Variants in PTPDC1 observed in about 807,000 individuals in gnomAD.
The protein encoded by PTPDC1 is protein tyrosine phosphatase domain containing 1.
In PTPDC1, 53 loss-of-function variants were observed where a neutral mutation model predicts 75.3. That is an observed-to-expected ratio of 0.70 (90% CI 0.56 to 0.88). The LOEUF is 0.88. PTPDC1 is among the 40% of genes least tolerant of loss of function. The probability of loss-of-function intolerance (pLI) is 0.00; values close to 1 mark genes in which losing one functional copy is unlikely to be tolerated. For missense variants in PTPDC1, 925 were observed against 998.6 expected, an observed-to-expected ratio of 0.93 and a Z score of 0.99; for synonymous variants, 349 against 366.2, an observed-to-expected ratio of 0.95 and a Z score of 0.54.
Position 94,092,163 on chromosome 9 carries a change from T to C in PTPDC1, c.617-3154T>C, listed in dbSNP as rs1827350613. 1.3e-5 allele frequency among the ~76,000 whole-genome samples: 2 copies of C among 151,712 alleles called. 1 individual carries two copies. Among genetic ancestry groups the C allele is most frequent in the African/African-American group, 4.9e-5 (2 of 41,032 alleles). On this transcript the variant is annotated intron_variant, in intron 4 of 8. Transcript: ENST00000620992. ...TTTGCTCCTGCTTTTCTAGTTCTTT[T>C]AATTGTGATGTTAGGTTGTCAATTT... is the stretch of plus-strand genomic sequence containing the variant.
chr9:94,054,365 A>G (rs1451564153), intron 1 of PTPDC1, among the ~76,000 whole-genome samples: 3 of 152,228 alleles, frequency 2.0e-5, no homozygotes, highest in Admixed American at 6.5e-5. Context: ...CTGCATATAC[A>G]TTCTCAAGTC....
chr9:94,063,512 T>A (rs10821289), intron 1 of PTPDC1, among the ~76,000 whole-genome samples: 24,787 of 152,224 alleles, frequency 0.16, 2,394 homozygotes, highest in East Asian at 0.28. Flanking sequence ...ACATTATTAA[T>A]ATTTCAGGAA....
intron 2 of PTPDC1, among the ~76,000 whole-genome samples, chr9:94,067,251 A>C (rs1204571246): frequency 6.6e-6 from 1 of 151,944 alleles, no homozygotes; most frequent in African/African-American, 2.4e-5. Context: ...TTAGCCGAGC[A>C]TGGTGGCGTA....
intron 4 of PTPDC1, among the ~76,000 whole-genome samples, chr9:94,094,666 C>T (rs563037785): frequency 6.6e-6 from 1 of 152,236 alleles, no homozygotes; most frequent in Admixed American, 6.5e-5. Flanking sequence ...GCGGGCACCC[C>T]TCCCCCAGCC....
At chr9:94,095,232 TG>T (rs2118047568) in intron 4 of PTPDC1, 84 bp from the exon 5 acceptor site, 1 of 1,034,228 alleles carries the variant, frequency 9.7e-7, no homozygotes, top group African/African-American at 1.6e-5. Flanking sequence ...TCAGTCTCAG[TG>T]TAGATCTGTG....
Position 94,097,388 on chromosome 9 carries a change from G to A in PTPDC1, c.822G>A (p.Val274=). ...CTGCTGACCAAGCAATTATATTTGTGCGGGCAAAGCGACCCAATTCCATAC... is the reference window on the plus strand; with the variant it reads ...CTGCTGACCAAGCAATTATATTTGTACGGGCAAAGCGACCCAATTCCATAC... ...RMTADQAIIF[V]RAKRPNSIQT... The change falls in exon 6 of 9, where the codon GTG becomes GTA. Residue 274 remains valine, a synonymous_variant. Coordinates refer to ENST00000620992, the MANE Select transcript of PTPDC1 (RefSeq NM_001253829.2). 2 of 1,613,936 alleles carry A rather than the reference G, an allele frequency of 1.2e-6. No individual in the cohort carries two copies. The highest frequency in any genetic ancestry group is 1.7e-6 in the Non-Finnish European group (2 of 1,179,938).
At chr9:94,056,011 T>C (rs1028325748) in intron 1 of PTPDC1, among the ~76,000 whole-genome samples, 7 of 152,168 alleles carry the variant, frequency 4.6e-5, no homozygotes, top group African/African-American at 1.7e-4. Context: ...ATAACAAACT[T>C]ACCACTCTGT....
chr9:94,057,140 A>T, intron 1 of PTPDC1, among the ~76,000 whole-genome samples: 1 of 152,182 alleles, frequency 6.6e-6, no homozygotes, highest in East Asian at 1.9e-4. Flanking sequence ...TGACGCGATT[A>T]CAGCTCACCG....
At chr9:94,080,801 G>T (rs1826850879), upstream of PTPDC1, among the ~76,000 whole-genome samples, 1 of 152,176 alleles carries the variant, frequency 6.6e-6, no homozygotes, top group African/African-American at 2.4e-5. Context: ...GGAGTAATCA[G>T]TGAAGCTTGA....
chr9:94,088,239 C>A lies in PTPDC1; in HGVS notation c.592C>A (p.Pro198Thr). ...ACAAGAAAGTGGCTTCACATACCTTCCTGAGGCTTTCATGGAGGCTGGCAG... is the reference window on the plus strand; with the variant it reads ...ACAAGAAAGTGGCTTCACATACCTTACTGAGGCTTTCATGGAGGCTGGCAG... ...LEQESGFTYL[P>T]EAFMEAGIYF... Residue 198 changes from proline (P) to threonine (T), a missense_variant, in exon 4 of 9, where the codon CCT becomes ACT. Transcript: ENST00000620992. The A allele has an allele frequency of 1.2e-6, 2 of 1,613,988 alleles. No individual in the cohort carries two copies.
chr9:94,051,651 G>T (rs984956452), intron 1 of PTPDC1, among the ~76,000 whole-genome samples: 3 of 152,108 alleles, frequency 2.0e-5, no homozygotes, highest in African/African-American at 7.2e-5. Context: ...GCTTTATCAG[G>T]TATAGGATTA....
chr9:94,097,250 A>G, intron 5 of PTPDC1, 71 bp from the exon 6 acceptor site: 2 of 990,316 alleles, frequency 2.0e-6, no homozygotes, highest in East Asian at 5.0e-5. Context: ...GTAAATCATC[A>G]AAGAGTGATA....
At chr9:94,031,661 TTACCGTCC>T (rs1312558015) in intron 1 of PTPDC1, among the ~76,000 whole-genome samples, 1 of 152,060 alleles carries the variant, frequency 6.6e-6, no homozygotes, top group Non-Finnish European at 1.5e-5. Context: ...ATCGTAGATA[TTACCGTCC>T]TTTGTGGCCT....
At chr9:94,068,802 T>C (rs1167387014) in intron 2 of PTPDC1, among the ~76,000 whole-genome samples, 1 of 152,242 alleles carries the variant, frequency 6.6e-6, no homozygotes, top group African/African-American at 2.4e-5. Context: ...CTTCTGTTTT[T>C]ATTAGTTAGC....
intron 2 of PTPDC1, among the ~76,000 whole-genome samples, chr9:94,067,646 G>C (rs1292914408): frequency 2.0e-5 from 3 of 151,980 alleles, no homozygotes; most frequent in African/African-American, 4.8e-5. Context: ...TTGTCTCCCA[G>C]GCTGGAGTGC....
intron 4 of PTPDC1, among the ~76,000 whole-genome samples, chr9:94,091,233 CTTA>C (rs952070658): frequency 1.1e-4 from 16 of 151,802 alleles, no homozygotes; most frequent in African/African-American, 3.4e-4. Flanking sequence ...ATAGATAGCT[CTTA>C]TTATTTTGAA....
chr9:94,041,944 G>A (rs1406934116), intron 1 of PTPDC1, among the ~76,000 whole-genome samples: 1 of 152,162 alleles, frequency 6.6e-6, no homozygotes, highest in Non-Finnish European at 1.5e-5. Context: ...CTATATGTAT[G>A]TATATTAATC....
intron 4 of PTPDC1, 119 bp downstream of exon 4, chr9:94,088,382 G>C: frequency 8.1e-7 from 1 of 1,227,672 alleles, no homozygotes; most frequent in Non-Finnish European, 1.1e-6. Flanking sequence ...TCATAGTAAG[G>C]TTTAGAAAAA....
At chr9:94,064,295 C>T (rs908759589) in intron 1 of PTPDC1, among the ~76,000 whole-genome samples, 1 of 152,144 alleles carries the variant, frequency 6.6e-6, no homozygotes, top group Non-Finnish European at 1.5e-5. Flanking sequence ...ACTTCTACCC[C>T]TTTAAAATAG....
Sources: allele counts gnomAD v4.1 joint callset (sites outside exome capture counted in the v4.1 genomes callset), GRCh38; gene constraint gnomAD v4.1.1; transcripts MANE v1.5; gene names NCBI Gene and HGNC (gene_info 2026-07-23, HGNC 2026-07-21).